Variants in KCNJ15 observed in about 807,000 individuals in gnomAD.
KCNJ15 encodes the protein potassium inwardly rectifying channel subfamily J member 15.
Under a neutral mutation model 23.0 loss-of-function variants are expected in KCNJ15, and 14 were observed. The ratio of observed to expected loss-of-function variants is 0.61; its 90% CI spans 0.40 to 0.95. KCNJ15 has a LOEUF of 0.95. Ranked by LOEUF, KCNJ15 falls within the 40% of genes least tolerant of loss-of-function variation. The pLI, the probability that KCNJ15 is intolerant of heterozygous loss-of-function variation, is 0.00. For missense variants in KCNJ15, 388 were observed against 461.8 expected, an observed-to-expected ratio of 0.84 and a Z score of 1.46; for synonymous variants, 185 against 183.2, an observed-to-expected ratio of 1.01 and a Z score of -0.08.
At chr21:38,259,220 C>T (rs1454301273) in intron 1 of KCNJ15, among the ~76,000 whole-genome samples, 1 of 152,080 alleles carries the variant, frequency 6.6e-6, no homozygotes, top group Non-Finnish European at 1.5e-5. Context: ...AAGCAGCCCA[C>T]GAAGTTTTTT....
chr21:38,256,337 A>C (rs1482137835), upstream of KCNJ15, among the ~76,000 whole-genome samples: 3 of 129,306 alleles, frequency 2.3e-5, no homozygotes, highest in African/African-American at 9.7e-5. Flanking sequence ...AGAAGAACCA[A>C]ATTTTGCCCA....
At chr21:38,284,852 C>G (rs1335743564) in intron 1 of KCNJ15, among the ~76,000 whole-genome samples, 1 of 152,216 alleles carries the variant, frequency 6.6e-6, no homozygotes, top group Non-Finnish European at 1.5e-5. Context: ...TTATATACCC[C>G]ATGTGCTAGT....
At chr21:38,245,876 C>T (rs1979342447) in intron 1 of KCNJ15, among the ~76,000 whole-genome samples, 1 of 152,160 alleles carries the variant, frequency 6.6e-6, no homozygotes. Flanking sequence ...AGACCACCCA[C>T]AAAGACTGAA....
intron 1 of KCNJ15, among the ~76,000 whole-genome samples, chr21:38,244,753 A>C (rs1421689642): frequency 6.6e-6 from 1 of 151,666 alleles, no homozygotes; most frequent in Non-Finnish European, 1.5e-5. Context: ...ACATCTTTTC[A>C]CCCCTGGAAA....
intron 1 of KCNJ15, among the ~76,000 whole-genome samples, chr21:38,251,166 T>C (rs191069535): frequency 1.3e-5 from 2 of 152,322 alleles, no homozygotes; most frequent in Admixed American, 1.3e-4. Context: ...ACTTAGCAGA[T>C]ATTGCTTTTC....
chr21:38,249,340 T>C (rs1489278385), intron 1 of KCNJ15, among the ~76,000 whole-genome samples: 2 of 152,156 alleles, frequency 1.3e-5, no homozygotes, highest in South Asian at 4.1e-4. Flanking sequence ...GATTGATAAA[T>C]GGTAAGGCTG....
intron 1 of KCNJ15, among the ~76,000 whole-genome samples, chr21:38,243,164 G>T (rs1673501921): frequency 1.3e-5 from 2 of 151,522 alleles, no homozygotes; most frequent in African/African-American, 2.4e-5. Flanking sequence ...CTTTAAAATT[G>T]TTTATCTTCT....
At chr21:38,258,396 T>TA (rs1344987273) in intron 1 of KCNJ15, among the ~76,000 whole-genome samples, 1 of 152,232 alleles carries the variant, frequency 6.6e-6, no homozygotes, top group African/African-American at 2.4e-5. Context: ...AGTAAGCACT[T>TA]ACCTCACACA....
chr21:38,268,792 A>G (rs1292251454), intron 1 of KCNJ15: 3 of 152,154 alleles, frequency 2.0e-5, no homozygotes, highest in Non-Finnish European at 4.4e-5. Flanking sequence ...TCAATTTCTT[A>G]GTACATTATG....
At chr21:38,276,698 G>T (rs1982738029) in intron 1 of KCNJ15, among the ~76,000 whole-genome samples, 1 of 151,506 alleles carries the variant, frequency 6.6e-6, no homozygotes, top group South Asian at 2.1e-4. Flanking sequence ...CCTTTTTTTG[G>T]TACCCCGAAC....
intron 1 of KCNJ15, among the ~76,000 whole-genome samples, chr21:38,288,026 C>CTCTTTTTT (rs1984109386): frequency 6.4e-5 from 5 of 78,170 alleles, no homozygotes; most frequent in Non-Finnish European, 2.3e-5. Flanking sequence ...TTGTTTTTTT[C>CTCTTTTTT]TTTGTTTTTT....
At chr21:38,244,939 G>C (rs568938647) in intron 1 of KCNJ15, among the ~76,000 whole-genome samples, 3 of 152,172 alleles carry the variant, frequency 2.0e-5, no homozygotes, top group Admixed American at 2.0e-4. Flanking sequence ...CCTTGGAGCT[G>C]ACCAAAGGAT....
chr21:38,232,065 G>T (rs147517924), intron 1 of KCNJ15, among the ~76,000 whole-genome samples: 4 of 150,932 alleles, frequency 2.7e-5, no homozygotes, highest in Non-Finnish European at 5.9e-5. Flanking sequence ...ATAATTGGTA[G>T]AATGCACTAG....
chr21:38,306,772 T>A lies in KCNJ15; in HGVS notation c.*6383T>A, dbSNP rs1183676033. 2.6e-5 allele frequency: 4 copies of A among 152,226 alleles called. No homozygotes were observed. The highest frequency in any genetic ancestry group is 2.6e-4 in the Admixed American group (4 of 15,278). 9.4% of individuals were successfully genotyped at this position (152,226 alleles called of 1,614,324 possible). On this transcript the variant is annotated 3_prime_UTR_variant, in exon 3 of 3. Transcript: ENST00000398938. ...ATTATTTCTGTAAGGTGTCATGGAATTGTAAGTTACAAAAATAAGGCTTTT... is the reference window on the plus strand; with the variant it reads ...ATTATTTCTGTAAGGTGTCATGGAAATGTAAGTTACAAAAATAAGGCTTTT...
At chr21:38,235,955 A>G (rs2836227) in intron 1 of KCNJ15, among the ~76,000 whole-genome samples, 5,679 of 152,300 alleles carry the variant, frequency 0.037, 215 homozygotes, top group East Asian at 0.1. Flanking sequence ...TTTTTTCCAG[A>G]ATATATCATT....
upstream of KCNJ15, among the ~76,000 whole-genome samples, chr21:38,252,139 G>C (rs576636913): frequency 1.4e-4 from 22 of 152,332 alleles, no homozygotes; most frequent in Admixed American, 1.4e-3. Flanking sequence ...GCTAAGGCTA[G>C]AGTTACATTG....
chr21:38,297,273 G>A (rs1985257104), intron 2 of KCNJ15, among the ~76,000 whole-genome samples: 3 of 152,160 alleles, frequency 2.0e-5, no homozygotes, highest in Non-Finnish European at 2.9e-5. Flanking sequence ...TCAGCAGAAA[G>A]AGGAAACAGA....
At chr21:38,245,048 G>A (rs1043470452) in intron 1 of KCNJ15, among the ~76,000 whole-genome samples, 29 of 152,024 alleles carry the variant, frequency 1.9e-4, no homozygotes, top group African/African-American at 7.0e-4. Context: ...TGATGTGCAG[G>A]AAATGGCACA....
rs2146357934 is a variant in KCNJ15, at chr21:38,301,520, A to T, written c.*1131A>T. 6.0e-6 allele frequency: 1 copy of T among 167,220 alleles called. No individual in the cohort carries two copies. The highest frequency in any genetic ancestry group is 1.9e-4 in the East Asian group (1 of 5,184). 10.4% of individuals were successfully genotyped at this position (167,220 alleles called of 1,614,324 possible). ...TGTCTCAGTCATGCTTGCTGATTACAGTTAGCACAAAAGAAAAATTCAGCT... is the reference window on the plus strand; with the variant it reads ...TGTCTCAGTCATGCTTGCTGATTACTGTTAGCACAAAAGAAAAATTCAGCT... On this transcript the variant is annotated 3_prime_UTR_variant, in exon 3 of 3. Transcript: ENST00000398938.
Sources: allele counts gnomAD v4.1 joint callset (sites outside exome capture counted in the v4.1 genomes callset), GRCh38; gene constraint gnomAD v4.1.1; transcripts MANE v1.5; gene names NCBI Gene and HGNC (gene_info 2026-07-23, HGNC 2026-07-21).